The following SNX8 variants were observed in gnomAD, a reference collection of about 807,000 sequenced individuals.
SNX8 encodes sorting nexin-8.
SNX8 carries 25 observed loss-of-function variants against 51.6 expected under a neutral mutation model. That is an observed-to-expected ratio of 0.48 (90% CI 0.35 to 0.68). The LOEUF (loss-of-function observed/expected upper bound fraction) is 0.68. SNX8 is among the 30% of genes least tolerant of loss of function. The pLI is 0.00. For missense variants in SNX8, 695 were observed against 624.0 expected (o/e 1.11, Z -1.21); for synonymous variants, 324 against 277.0 (o/e 1.17, Z -1.68).
At chr7:2,298,192 G>A (rs751818482) in intron 1 of SNX8, among the ~76,000 whole-genome samples, 2 of 152,024 alleles carry the variant, frequency 1.3e-5, no homozygotes, top group Non-Finnish European at 2.9e-5. Flanking sequence ...CGCACAGTGC[G>A]AGATCACCTC....
chr7:2,354,425 C>A (rs1319628877), upstream of SNX8: 2 of 152,236 alleles, frequency 1.3e-5, 1 homozygote, highest in East Asian at 3.8e-4. Context: ...TGAGCAATCG[C>A]CTGTTGAGTC....
chr7:2,270,848 G>C (rs1189081553), intron 4 of SNX8, among the ~76,000 whole-genome samples: 2 of 152,126 alleles, frequency 1.3e-5, no homozygotes, highest in African/African-American at 4.8e-5. Context: ...GACAGAGGCC[G>C]TCAGGTCCCC....
rs1795081360 is a variant in SNX8 at position 2,252,978 on chromosome 7, TTACCCCTG to T, written c.*2070_*2077del. The stretch of plus-strand genomic sequence containing the variant: ...TGCTCCCCCTCACCCCTGCCCTCCC[TTACCCCTG>T]TTCTCCTGTTCTCCTGACCCCTGCC... On this transcript the variant is annotated 3_prime_UTR_variant, in exon 11 of 11. Transcript: ENST00000222990. 2 of 45,742 alleles carry T rather than the reference TTACCCCTG, an allele frequency of 4.4e-5. No individual in the cohort carries two copies. The highest frequency in any genetic ancestry group is 2.0e-4 in the African/African-American group (2 of 9,814). 2.8% of individuals were successfully genotyped at this position (45,742 alleles called of 1,614,324 possible).
At chr7:2,307,906 CA>C (rs1216392786) in intron 1 of SNX8, 12 of 152,198 alleles carry the variant, frequency 7.9e-5, no homozygotes, top group Non-Finnish European at 1.6e-4. Flanking sequence ...AAAATAATAC[CA>C]AAACAGAATT....
At chr7:2,354,409 A>G (rs756693503), upstream of SNX8, 4 of 152,142 alleles carry the variant, frequency 2.6e-5, no homozygotes, top group African/African-American at 9.7e-5. Context: ...AAAGGCTCAG[A>G]CGCCCTGAGC....
rs190151477 is a variant in SNX8 at position 2,351,146 on chromosome 7, G to A, written c.-66+3076C>T. On this transcript the variant is annotated intron_variant, in intron 1 of 5. Transcript: ENST00000435336. Reference sequence around the variant, plus strand: ...AACAAAAAGAAAAAAATCTACCCCTGGAAGCACAACACAGGCCACGCTGCA... The same window carrying A: ...AACAAAAAGAAAAAAATCTACCCCTAGAAGCACAACACAGGCCACGCTGCA... 9.9e-4 allele frequency among the ~76,000 whole-genome samples: 150 copies of A among 151,892 alleles called. 3 individuals are homozygous for A. The South Asian group carries it at 0.012, about 12-fold the overall frequency.
At chr7:2,333,023 CTT>C (rs1212634977) in intron 1 of SNX8, among the ~76,000 whole-genome samples, 1 of 151,958 alleles carries the variant, frequency 6.6e-6, no homozygotes, top group Non-Finnish European at 1.5e-5. Context: ...AGTCCCAACA[CTT>C]TGGGAGGCTA....
intron 5 of SNX8, among the ~76,000 whole-genome samples, chr7:2,267,955 T>C: frequency 1.5e-5 from 2 of 129,038 alleles, no homozygotes; most frequent in African/African-American, 3.0e-5. Flanking sequence ...GGAGCGCCTC[T>C]GCCCCGCCGC....
At chr7:2,312,183 G>A (rs918485381) in intron 1 of SNX8, among the ~76,000 whole-genome samples, 1 of 152,046 alleles carries the variant, frequency 6.6e-6, no homozygotes, top group Non-Finnish European at 1.5e-5. Context: ...AGGAATTCCA[G>A]GCCACACCAA....
At position 2,306,995 on chromosome 7, in the gene SNX8, T is replaced by C. The variant is rs182690796; in HGVS notation, c.94+7333A>G. Among the ~76,000 whole-genome samples the C allele has an allele frequency of 1.8e-4, 28 of 152,266 alleles. No homozygotes were observed. The South Asian group carries it at 3.5e-3, about 19-fold the overall frequency. ...CTGGGGTTAATCAAACTTTGTGTAA[T>C]TTCACTTCAGATTTCCATAACACAC... On this transcript the variant is annotated intron_variant, in intron 1 of 10. Transcript: ENST00000222990.
intron 1 of SNX8, among the ~76,000 whole-genome samples, chr7:2,334,864 T>C (rs1778796101): frequency 1.2e-5 from 1 of 85,824 alleles, no homozygotes; most frequent in Non-Finnish European, 2.1e-5. Flanking sequence ...TAAGAGCCCA[T>C]CTCTGAAAAA....
chr7:2,278,103 G>A lies in SNX8; in HGVS notation c.297C>T (p.Ser99=), dbSNP rs112173284. ...FLKHVEYEVS[S]QRFKSSVYRR... is the part of the protein sequence containing the mutation. ...ACACACACAATTTGCCAGTTACCTG[G>A]CTGGAAACCTCATACTCCACATGCT... Residue 99 remains serine (S), a synonymous_variant, in exon 2 of 11, where the codon AGC becomes AGT. Coordinates refer to ENST00000222990, the MANE Select transcript of SNX8 (RefSeq NM_013321.4). 500 of 1,612,512 alleles carry A rather than the reference G, an allele frequency of 3.1e-4. 3 individuals carry two copies. In the African/African-American group the frequency reaches 6.0e-3, roughly 19 times the overall value.
At chr7:2,311,637 A>T (rs1238253059) in intron 1 of SNX8, among the ~76,000 whole-genome samples, 1 of 151,844 alleles carries the variant, frequency 6.6e-6, no homozygotes, top group African/African-American at 2.4e-5. Context: ...TAGTTTTCTC[A>T]ATGTAAAAAG....
chr7:2,317,708 G>A (rs1016706959), upstream of SNX8, among the ~76,000 whole-genome samples: 4 of 152,098 alleles, frequency 2.6e-5, no homozygotes, highest in African/African-American at 9.7e-5. Flanking sequence ...GGCTATAGCT[G>A]CTGGACCCTG....
chr7:2,342,198 TAATAAATA>T (rs532363238), intron 1 of SNX8, among the ~76,000 whole-genome samples: 2 of 150,572 alleles, frequency 1.3e-5, no homozygotes, highest in African/African-American at 2.4e-5. Flanking sequence ...TAATAATAAA[TAATAAATA>T]AATAAATAAA....
chr7:2,342,473 G>A (rs1174618673), intron 1 of SNX8, among the ~76,000 whole-genome samples: 3 of 152,058 alleles, frequency 2.0e-5, no homozygotes, highest in Non-Finnish European at 4.4e-5. Context: ...GGCCAACATG[G>A]TGAAACCCCG....
At chr7:2,305,808 C>T (rs1279120282) in intron 1 of SNX8, among the ~76,000 whole-genome samples, 1 of 151,932 alleles carries the variant, frequency 6.6e-6, no homozygotes, top group East Asian at 1.9e-4. Flanking sequence ...AGACTAGGCA[C>T]GGTGGCTCAC....
At chr7:2,351,818 G>C (rs1312498415) in intron 1 of SNX8, among the ~76,000 whole-genome samples, 1 of 151,326 alleles carries the variant, frequency 6.6e-6, no homozygotes, top group South Asian at 2.1e-4. Flanking sequence ...GCGACAGAGT[G>C]AGACTCCATC....
rs76062739 is a variant in SNX8 at position 2,263,465 on chromosome 7, C to T, written c.783-103G>A. 7.3e-3 allele frequency: 8,767 copies of T among 1,195,522 alleles called. 488 individuals are homozygous for T. In the African/African-American group the frequency reaches 0.12, roughly 16 times the overall value. 74.1% of individuals were successfully genotyped at this position (1,195,522 alleles called of 1,614,324 possible). A position where few individuals can be genotyped will look rare whatever the true frequency, so the allele number is the denominator to read the frequency against. ...GACAGATGTCCTCCACGGCAACCTGCGTGACCCCGTCCTAGGACCCTGCTG... is the reference window on the plus strand; with the variant it reads ...GACAGATGTCCTCCACGGCAACCTGTGTGACCCCGTCCTAGGACCCTGCTG... On this transcript the variant is annotated intron_variant, in intron 6 of 10. Coordinates refer to ENST00000222990, the MANE Select transcript of SNX8 (RefSeq NM_013321.4).
Sources: allele counts gnomAD v4.1 joint callset (sites outside exome capture counted in the v4.1 genomes callset), GRCh38; gene constraint gnomAD v4.1.1; transcripts MANE v1.5; gene names NCBI Gene and HGNC (gene_info 2026-07-23, HGNC 2026-07-21).